TMOD1: variants seen among roughly 807,000 people sequenced by gnomAD.
TMOD1 encodes tropomodulin 1.
TMOD1 carries 17 observed loss-of-function variants against 40.6 expected under a neutral mutation model. The observed-to-expected ratio is 0.42, with a 90% confidence interval of 0.29 to 0.63. The LOEUF is 0.63. Ranked by LOEUF, TMOD1 falls within the 20% of genes least tolerant of loss-of-function variation. TMOD1 has a pLI of 0.22. For synonymous variants in TMOD1, 181 were observed against 175.0 expected (o/e 1.03, Z -0.27); for missense variants, 391 against 447.6 (o/e 0.87, Z 1.14).
Position 97,539,271 on chromosome 9 carries a change from T to A in TMOD1, c.121-6914T>A, listed in dbSNP as rs138169714. Among the ~76,000 whole-genome samples, 401 of 152,228 alleles carry A rather than the reference T, an allele frequency of 2.6e-3. 3 individuals are homozygous for A. The highest frequency in any genetic ancestry group is 9.4e-3 in the African/African-American group (389 of 41,528). On this transcript the variant is annotated intron_variant, in intron 2 of 9. Coordinates refer to ENST00000259365, the MANE Select transcript of TMOD1 (RefSeq NM_003275.4). ...CTATGCATACATGATCACCAAATAC[T>A]CTCCTGGCCAGAGCCAACAACAGAA... is the stretch of plus-strand genomic sequence containing the variant.
chr9:97,554,067 A>T (rs1830495639), intron 4 of TMOD1, among the ~76,000 whole-genome samples: 1 of 152,086 alleles, frequency 6.6e-6, no homozygotes, highest in African/African-American at 2.4e-5. Context: ...GGCTCTGGCC[A>T]CATCCGGCAC....
At chr9:97,510,155 A>G (rs927069137) in intron 1 of TMOD1, among the ~76,000 whole-genome samples, 2 of 152,190 alleles carry the variant, frequency 1.3e-5, no homozygotes, top group East Asian at 3.8e-4. Flanking sequence ...AACACCTGCT[A>G]TGAGGCTATG....
At position 97,576,800 on chromosome 9, in the gene TMOD1, A is replaced by AT. The variant is rs577416201; in HGVS notation, c.870+7774dup. 1.5e-3 allele frequency among the ~76,000 whole-genome samples: 213 copies of AT among 146,722 alleles called. 1 individual carries two copies. The highest frequency in any genetic ancestry group is 5.2e-3 in the South Asian group (24 of 4,614). On this transcript the variant is annotated intron_variant, in intron 8 of 9. Transcript: ENST00000259365. ...AGGTGCCCGCCACCACGTCCAGCTA[A>AT]TTTTTTTTTTTGTATTTTTTAGTAG...
chr9:97,591,558 T>C (rs1046583930), intron 9 of TMOD1, 123 bp downstream of exon 9: 32 of 1,200,898 alleles, frequency 2.7e-5, no homozygotes, highest in Non-Finnish European at 3.3e-5. Flanking sequence ...ATTTTCACAT[T>C]GATCGCGTCT....
Position 97,591,340 on chromosome 9 carries a change from A to G in TMOD1, c.920A>G (p.Glu307Gly). The change falls in exon 9 of 10, where the codon GAA becomes GGA. Residue 307 changes from glutamate (E) to glycine (G), a missense_variant. By Grantham distance (98) the Glu-to-Gly change is moderately conservative. Transcript: ENST00000259365. ...GAAATGGAGATTGTGAGCATGTTGG[A>G]AAAAAACGCAACACTTCTCAAATTC... ...KVEMEIVSML[E>G]KNATLLKFGY... 1.9e-6 allele frequency: 3 copies of G among 1,614,088 alleles called. No homozygotes were observed. Among genetic ancestry groups the G allele is most frequent in the Non-Finnish European group, 1.7e-6 (2 of 1,180,004 alleles).
intron 2 of TMOD1, among the ~76,000 whole-genome samples, chr9:97,525,859 G>A (rs1830007139): frequency 6.6e-6 from 1 of 152,224 alleles, no homozygotes; most frequent in South Asian, 2.1e-4. Context: ...GTGTCTCCTA[G>A]TGGAACTTTG....
intron 1 of TMOD1, among the ~76,000 whole-genome samples, chr9:97,508,281 C>T (rs948860722): frequency 1.3e-5 from 2 of 152,026 alleles, no homozygotes; most frequent in Non-Finnish European, 2.9e-5. Context: ...CTCCGCCTCC[C>T]AGGTTCAAGC....
intron 9 of TMOD1, among the ~76,000 whole-genome samples, chr9:97,592,314 C>A (rs189265617): frequency 4.1e-4 from 63 of 151,900 alleles, no homozygotes; most frequent in African/African-American, 1.5e-3. Context: ...AGGTCTATAT[C>A]ATTAACATGA....
At chr9:97,562,646 A>G (rs1442791758) in intron 4 of TMOD1, 86 bp from the exon 5 acceptor site, 3 of 939,084 alleles carry the variant, frequency 3.2e-6, no homozygotes, top group Non-Finnish European at 4.6e-6. Flanking sequence ...TCTGTGAGCC[A>G]GAGTTCCCGG....
intron 2 of TMOD1, among the ~76,000 whole-genome samples, chr9:97,541,235 T>G (rs1483964921): frequency 6.6e-6 from 1 of 152,250 alleles, no homozygotes; most frequent in Non-Finnish European, 1.5e-5. Flanking sequence ...TCACCCAGGC[T>G]GGAGTGCATT....
chr9:97,512,197 G>T (rs148766668), intron 1 of TMOD1, among the ~76,000 whole-genome samples: 1 of 152,324 alleles, frequency 6.6e-6, no homozygotes, highest in African/African-American at 2.4e-5. Context: ...ATCATTAGTC[G>T]TCAGGGAAAT....
At chr9:97,517,108 A>C (rs1829822585) in intron 1 of TMOD1, among the ~76,000 whole-genome samples, 2 of 152,112 alleles carry the variant, frequency 1.3e-5, no homozygotes, top group Admixed American at 1.3e-4. Context: ...GCACTTTGGG[A>C]GGCTGAAGCG....
At chr9:97,576,721 C>G (rs1830946840) in intron 8 of TMOD1, among the ~76,000 whole-genome samples, 1 of 151,982 alleles carries the variant, frequency 6.6e-6, no homozygotes, top group African/African-American at 2.4e-5. Context: ...GCAAGCTCCG[C>G]CTCCCAGGTT....
intron 3 of TMOD1, among the ~76,000 whole-genome samples, chr9:97,548,621 G>A (rs1436593422): frequency 6.6e-6 from 1 of 152,160 alleles, no homozygotes; most frequent in African/African-American, 2.4e-5. Context: ...AAGGGAGTCT[G>A]AACGGTACAG....
intron 9 of TMOD1, among the ~76,000 whole-genome samples, chr9:97,598,920 C>A (rs1826181654): frequency 6.6e-6 from 1 of 152,166 alleles, no homozygotes; most frequent in Admixed American, 6.5e-5. Flanking sequence ...GCTCATAGAG[C>A]TTGCTGCTTG....
chr9:97,547,562 A>G (rs1484835357), intron 3 of TMOD1, among the ~76,000 whole-genome samples: 1 of 152,212 alleles, frequency 6.6e-6, no homozygotes, highest in Non-Finnish European at 1.5e-5. Flanking sequence ...GTGAGTTCAG[A>G]TCTCTGTCAA....
chr9:97,560,669 GTATA>G (rs3052076), intron 4 of TMOD1, among the ~76,000 whole-genome samples: 1 of 144,754 alleles, frequency 6.9e-6, no homozygotes, highest in African/African-American at 2.5e-5. Flanking sequence ...TTTTTGTATT[GTATA>G]TATATATATA....
At chr9:97,529,518 C>T (rs1830067752) in intron 2 of TMOD1, among the ~76,000 whole-genome samples, 1 of 150,880 alleles carries the variant, frequency 6.6e-6, no homozygotes, top group South Asian at 2.1e-4. Context: ...GCAGAGGATT[C>T]CAAACTTGTG....
chr9:97,565,186 C>G (rs897156864), intron 6 of TMOD1, among the ~76,000 whole-genome samples: 1 of 152,256 alleles, frequency 6.6e-6, no homozygotes, highest in African/African-American at 2.4e-5. Flanking sequence ...CCAGCCTCCT[C>G]TGGGCCTCAG....
Sources: allele counts gnomAD v4.1 joint callset (sites outside exome capture counted in the v4.1 genomes callset), GRCh38; gene constraint gnomAD v4.1.1; transcripts MANE v1.5; gene names NCBI Gene and HGNC (gene_info 2026-07-23, HGNC 2026-07-21).